Variants in TP63 observed in about 807,000 individuals in gnomAD.
The protein encoded by TP63 is tumor protein p63.
Under a neutral mutation model 82.8 loss-of-function variants are expected in TP63, and 17 were observed. That is an observed-to-expected ratio of 0.21 (90% CI 0.14 to 0.31). The LOEUF is 0.31. TP63 is among the 10% of genes least tolerant of loss of function. The pLI is 1.00. For missense variants in TP63, 648 were observed against 895.3 expected (o/e 0.72, Z 3.52); for synonymous variants, 330 against 321.7 (o/e 1.03, Z -0.28).
At chr3:189,853,964 G>C (rs982343236) in intron 4 of TP63, among the ~76,000 whole-genome samples, 1 of 151,866 alleles carries the variant, frequency 6.6e-6, no homozygotes, top group Admixed American at 6.6e-5. Context: ...GATAAAGATC[G>C]ATTTTTTTCT....
At position 189,814,886 on chromosome 3, in the gene TP63, C is replaced by T. The variant is rs1337432687; in HGVS notation, c.579+6360C>T. Among the ~76,000 whole-genome samples, 9 of 152,108 alleles carry T rather than the reference C, an allele frequency of 5.9e-5. No homozygotes were observed. In the South Asian group the frequency reaches 6.2e-4, roughly 11 times the overall value. On this transcript the variant is annotated intron_variant, in intron 4 of 13. Coordinates refer to ENST00000264731, the MANE Select transcript of TP63 (RefSeq NM_003722.5). ...ATTTTGAGTGATTTGTTCACTGCAC[C>T]GTGGAGTGTCTATTTAACATTAAAC...
Position 189,868,599 on chromosome 3 carries a change from C to T in TP63, c.1012C>T (p.Arg338Cys), listed in dbSNP as rs1404019220. Residue 338 changes from arginine to cysteine, a missense_variant, in exon 8 of 14, where the codon CGC becomes TGC. Arg to Cys is a radical substitution (Grantham distance 180). Around this residue, in one of 5 missense-constraint regions of TP63, gnomAD observed 30 missense variants for 85.4 expected, o/e 0.35. Coordinates refer to ENST00000264731, the MANE Select transcript of TP63 (RefSeq NM_003722.5). ...ETRDGQVLGR[R>C]CFEARICACP... is the part of the protein sequence containing the mutation. ...TCCTAGTGGGCAAGTCCTGGGCCGACGCTGCTTTGAGGCCCGGATCTGTGC... is the reference window on the plus strand; with the variant it reads ...TCCTAGTGGGCAAGTCCTGGGCCGATGCTGCTTTGAGGCCCGGATCTGTGC... The T allele has an allele frequency of 3.1e-6, 5 of 1,614,074 alleles. No homozygotes were observed. Among genetic ancestry groups the T allele is most frequent in the Non-Finnish European group, 4.2e-6 (5 of 1,179,992 alleles).
intron 1 of TP63, among the ~76,000 whole-genome samples, chr3:189,667,025 GA>G (rs35573853): frequency 0.08 from 9,231 of 115,992 alleles, 344 homozygotes; most frequent in Middle Eastern, 0.23. Context: ...TACAGTTTTT[GA>G]AAAAAAAAAA....
At chr3:189,827,267 T>A (rs1711558576) in intron 4 of TP63, among the ~76,000 whole-genome samples, 1 of 152,198 alleles carries the variant, frequency 6.6e-6, no homozygotes, top group African/African-American at 2.4e-5. Context: ...CACCACCACC[T>A]CTGTCTGCCA....
intron 1 of TP63, among the ~76,000 whole-genome samples, chr3:189,660,631 G>T (rs1363841553): frequency 2.0e-5 from 3 of 151,972 alleles, no homozygotes; most frequent in Admixed American, 2.0e-4. Flanking sequence ...GGATAATGTT[G>T]AATCTGTAGA....
At chr3:189,634,700 A>G (rs984998813) in intron 1 of TP63, among the ~76,000 whole-genome samples, 8 of 152,122 alleles carry the variant, frequency 5.3e-5, no homozygotes, top group African/African-American at 1.9e-4. Context: ...CTTAATTTTT[A>G]AAATATTGAA....
At chr3:189,831,818 C>CTTTTTT (rs1156431272) in intron 4 of TP63, among the ~76,000 whole-genome samples, 6 of 73,198 alleles carry the variant, frequency 8.2e-5, no homozygotes, top group Non-Finnish European at 1.0e-4. Flanking sequence ...CTATTATGCT[C>CTTTTTT]TTTTTTTTTT....
chr3:189,768,547 G>A (rs901087191), intron 3 of TP63, among the ~76,000 whole-genome samples: 4 of 152,052 alleles, frequency 2.6e-5, no homozygotes, highest in African/African-American at 9.7e-5. Context: ...AAGACAAATA[G>A]TAAGAAAATA....
At chr3:189,804,441 A>C (rs1331444911) in intron 3 of TP63, among the ~76,000 whole-genome samples, 2 of 152,274 alleles carry the variant, frequency 1.3e-5, no homozygotes, top group Non-Finnish European at 2.9e-5. Context: ...GAAATTCTTA[A>C]TCTATGAACA....
intron 4 of TP63, among the ~76,000 whole-genome samples, chr3:189,854,807 G>T (rs1463066082): frequency 1.3e-5 from 2 of 152,124 alleles, no homozygotes; most frequent in Non-Finnish European, 2.9e-5. Flanking sequence ...AAATACTCAA[G>T]AAAATCAACT....
chr3:189,784,575 A>T (rs73197837), intron 3 of TP63, among the ~76,000 whole-genome samples: 31,490 of 152,066 alleles, frequency 0.21, 4,038 homozygotes, highest in Admixed American at 0.3. Context: ...TACCTTAACC[A>T]TAAAAAGTGC....
At chr3:189,636,038 A>G (rs1006302853) in intron 1 of TP63, among the ~76,000 whole-genome samples, 5 of 152,146 alleles carry the variant, frequency 3.3e-5, no homozygotes, top group Non-Finnish European at 7.4e-5. Flanking sequence ...TTGTTTATAC[A>G]CAGTTGTTTA....
At chr3:189,605,105 C>T in the TP63 span, among the ~76,000 whole-genome samples, 1 of 152,144 alleles carries the variant, frequency 6.6e-6, no homozygotes, top group Admixed American at 6.5e-5. Context: ...TGAGACCACA[C>T]ACTGAGGAGA....
chr3:189,649,409 G>A (rs942102042), intron 1 of TP63, among the ~76,000 whole-genome samples: 1 of 146,534 alleles, frequency 6.8e-6, no homozygotes, highest in Non-Finnish European at 1.5e-5. Flanking sequence ...ACTCATAAGT[G>A]GAAACTAAAT....
chr3:189,616,310 T>C, the TP63 span, among the ~76,000 whole-genome samples: 1 of 152,230 alleles, frequency 6.6e-6, no homozygotes, highest in South Asian at 2.1e-4. Context: ...TCTGACAGCA[T>C]TGAGTAGACA....
intron 1 of TP63, among the ~76,000 whole-genome samples, chr3:189,706,709 C>G (rs528411612): frequency 1.3e-5 from 2 of 152,252 alleles, no homozygotes; most frequent in African/African-American, 4.8e-5. Context: ...TTTGCTATAT[C>G]CTATGTATCA....
chr3:189,630,386 A>G (rs1256888762), upstream of TP63, among the ~76,000 whole-genome samples: 1 of 152,162 alleles, frequency 6.6e-6, no homozygotes, highest in Non-Finnish European at 1.5e-5. Flanking sequence ...GGATAAGTTT[A>G]CAGCCCATAT....
intron 3 of TP63, among the ~76,000 whole-genome samples, chr3:189,760,575 A>T (rs1722493857): frequency 6.6e-6 from 1 of 152,138 alleles, no homozygotes; most frequent in South Asian, 2.1e-4. Flanking sequence ...TGCAGGGTAT[A>T]GCTTCCCTCC....
At chr3:189,822,771 T>C (rs1168851306) in intron 4 of TP63, among the ~76,000 whole-genome samples, 3 of 152,174 alleles carry the variant, frequency 2.0e-5, no homozygotes, top group Non-Finnish European at 2.9e-5. Context: ...ATCAGTTGTA[T>C]AGAGCTCCTT....
Sources: gnomAD v4.1 joint callset for allele counts (sites outside exome capture counted in the v4.1 genomes callset) on GRCh38, gnomAD v4.1.1 for gene constraint, gnomAD v4.1.1 regional missense constraint, MANE v1.5 for transcripts, NCBI Gene and HGNC (gene_info 2026-07-23, HGNC 2026-07-21) for gene names.